Variants in CD2AP observed in about 807,000 individuals in gnomAD.
The protein encoded by CD2AP is CD2 associated protein, also known as CD2-associated protein.
In CD2AP, 46 loss-of-function variants were observed where a neutral mutation model predicts 85.1. The observed-to-expected ratio is 0.54, with a 90% CI of 0.43 to 0.69. The LOEUF is 0.69. CD2AP is among the 30% of genes least tolerant of loss of function. The pLI, the probability that CD2AP is intolerant of heterozygous loss-of-function variation, is 0.00. For missense variants in CD2AP, 769 were observed against 729.5 expected (o/e 1.05, Z -0.62); for synonymous variants, 255 against 252.9 (o/e 1.01, Z -0.08).
intron 17 of CD2AP, among the ~76,000 whole-genome samples, chr6:47,619,089 C>T (rs1010778088): frequency 6.6e-6 from 1 of 151,952 alleles, no homozygotes; most frequent in African/African-American, 2.4e-5. Flanking sequence ...AATTTTTTTC[C>T]ATACATTATT....
chr6:47,556,946 G>T (rs1767710428), intron 5 of CD2AP, among the ~76,000 whole-genome samples: 1 of 152,140 alleles, frequency 6.6e-6, no homozygotes, highest in African/African-American at 2.4e-5. Context: ...CGTGAACAGT[G>T]TACAGGTGTT....
At chr6:47,536,226 AT>A (rs60736098) in intron 3 of CD2AP, among the ~76,000 whole-genome samples, 12,014 of 144,710 alleles carry the variant, frequency 0.083, 550 homozygotes, top group Middle Eastern at 0.16. Flanking sequence ...ATTAAACTTG[AT>A]TTTTTTTTTT....
In CD2AP at chr6:47,554,776, T is replaced by A. The variant is rs763501713; in HGVS notation, c.541+10T>A. 4.4e-6 allele frequency: 7 copies of A among 1,588,554 alleles called. No homozygotes were observed. In the African/African-American group the frequency reaches 8.1e-5, roughly 18 times the overall value. On this transcript the variant is annotated intron_variant, in intron 5 of 17. Transcript: ENST00000359314. ...GCCCAGGACGATTCAGGTAGACTAT[T>A]TTTTAAAATTTTTAATTGATTTAAA...
Position 47,599,414 on chromosome 6 carries a change from C to T in CD2AP, c.1388C>T (p.Ser463Leu). ...PLRPKSVDFD[S>L]LTVRTSKETD... Reference sequence around the variant, plus strand: ...AGACCAAAATCAGTAGACTTTGATTCACTTACAGTAAGGACCTCCAAAGAA... The same window carrying T: ...AGACCAAAATCAGTAGACTTTGATTTACTTACAGTAAGGACCTCCAAAGAA... Residue 463 changes from serine (S) to leucine (L), a missense_variant, in exon 13 of 18, where the codon TCA (serine) becomes TTA (leucine). By Grantham distance (145) the Ser-to-Leu change is moderately radical. Coordinates refer to ENST00000359314, the MANE Select transcript of CD2AP (RefSeq NM_012120.3). 1 of 1,612,142 alleles carries T rather than the reference C, an allele frequency of 6.2e-7. No homozygotes were observed. The highest frequency in any genetic ancestry group is 8.5e-7 in the Non-Finnish European group (1 of 1,178,992).
intron 2 of CD2AP, among the ~76,000 whole-genome samples, chr6:47,525,991 T>C (rs1766712177): frequency 6.6e-6 from 1 of 152,166 alleles, no homozygotes; most frequent in African/African-American, 2.4e-5. Flanking sequence ...GAAGTTATTT[T>C]CCAAGTCAGG....
intron 8 of CD2AP, among the ~76,000 whole-genome samples, 193 bp from the exon 9 acceptor site, chr6:47,579,192 A>C (rs536922417): frequency 6.6e-6 from 1 of 152,136 alleles, no homozygotes; most frequent in East Asian, 1.9e-4. Context: ...TTGAGCCCAG[A>C]AGTTTATGAT....
At chr6:47,535,047 T>C (rs1045075533) in intron 3 of CD2AP, among the ~76,000 whole-genome samples, 16 of 152,264 alleles carry the variant, frequency 1.1e-4, no homozygotes, top group African/African-American at 3.1e-4. Flanking sequence ...TTTGCCCCCA[T>C]TGGCTTCCCA....
chr6:47,525,361 T>C lies in CD2AP; in HGVS notation c.166-8241T>C, dbSNP rs115105656. On this transcript the variant is annotated intron_variant, in intron 2 of 17. Transcript: ENST00000359314. ...AAAATAATTAAGTATATTCCTTAGA[T>C]TTTAATTAGCTTAAGCAGAATTATT... 6.8e-3 allele frequency among the ~76,000 whole-genome samples: 1,035 copies of C among 152,286 alleles called. 6 individuals are homozygous for C. Among genetic ancestry groups the C allele is most frequent in the Non-Finnish European group, 0.012 (793 of 67,992 alleles).
Position 47,606,156 on chromosome 6 carries a change from AT to A in CD2AP, c.1418-5del. ...CTCTTAGTAAATAATGTTTATTTTT[AT>A]TTTCTAGATGTTGTAAATTTTGATG... On this transcript the variant is annotated splice_region_variant and splice_polypyrimidine_tract_variant and intron_variant, in intron 13 of 17. Coordinates refer to ENST00000359314, the MANE Select transcript of CD2AP (RefSeq NM_012120.3). 3 of 1,386,464 alleles carry A rather than the reference AT, an allele frequency of 2.2e-6. No homozygotes were observed. Among genetic ancestry groups the A allele is most frequent in the Non-Finnish European group, 3.1e-6 (3 of 973,432 alleles). The allele number at this position is 1,386,464 out of a possible 1,614,324, so 85.9% of individuals were successfully genotyped here.
intron 11 of CD2AP, among the ~76,000 whole-genome samples, chr6:47,587,063 A>G (rs1163399713): frequency 2.0e-5 from 3 of 152,212 alleles, no homozygotes; most frequent in Admixed American, 2.0e-4. Flanking sequence ...GGCCAGTTGA[A>G]TATTAAATAT....
intron 2 of CD2AP, among the ~76,000 whole-genome samples, chr6:47,530,503 A>G (rs6936064): frequency 0.87 from 133,123 of 152,212 alleles, 58,524 homozygotes; most frequent in Non-Finnish European, 0.92. Context: ...AGAAATTGAT[A>G]GATTTTTTTG....
intron 4 of CD2AP, among the ~76,000 whole-genome samples, chr6:47,553,513 A>AT (rs148273065): frequency 0.022 from 2,395 of 110,396 alleles, 47 homozygotes; most frequent in East Asian, 0.052. Flanking sequence ...CACCTAGTGA[A>AT]TTTTTTTTTT....
At chr6:47,616,652 G>T (rs185970246) in intron 17 of CD2AP, among the ~76,000 whole-genome samples, 7 of 152,206 alleles carry the variant, frequency 4.6e-5, no homozygotes, top group Admixed American at 3.3e-4. Flanking sequence ...CCCCATTTAG[G>T]TCTAGCTGCC....
intron 17 of CD2AP, among the ~76,000 whole-genome samples, chr6:47,614,214 A>G (rs1436340016): frequency 6.6e-6 from 1 of 152,192 alleles, no homozygotes; most frequent in East Asian, 1.9e-4. Context: ...CTTTGCAATC[A>G]AAACTTGGCT....
intron 17 of CD2AP, among the ~76,000 whole-genome samples, chr6:47,616,318 T>A (rs1416951747): frequency 1.3e-5 from 2 of 150,916 alleles, no homozygotes; most frequent in Admixed American, 1.3e-4. Context: ...GGTCTCAAAC[T>A]CCTGACCTCA....
chr6:47,558,064 AG>A (rs1283556845), intron 5 of CD2AP, among the ~76,000 whole-genome samples: 1 of 152,012 alleles, frequency 6.6e-6, no homozygotes, highest in Non-Finnish European at 1.5e-5. Flanking sequence ...TTGGATTCCT[AG>A]GTATTTTATT....
Position 47,595,907 on chromosome 6 carries a change from A to G in CD2AP, c.1155A>G (p.Pro385=), listed in dbSNP as rs113205508. 2.5e-6 allele frequency: 4 copies of G among 1,612,988 alleles called. No homozygotes were observed. In the African/African-American group the frequency reaches 4.0e-5, roughly 16 times the overall value. ...AGAAACCTTCTAAACCAGCAGCTCC[A>G]CAAGTCCCACCCAAGAAACCTACTC... ...LEQKPSKPAA[P]QVPPKKPTPP... Residue 385 remains proline (P), a synonymous_variant, in exon 12 of 18, where the codon CCA becomes CCG. Coordinates refer to ENST00000359314, the MANE Select transcript of CD2AP (RefSeq NM_012120.3).
At position 47,598,541 on chromosome 6, in the gene CD2AP, A is replaced by G. The variant is rs1166010479; in HGVS notation, c.1275-760A>G. 2.0e-5 allele frequency among the ~76,000 whole-genome samples: 3 copies of G among 150,922 alleles called. 1 individual carries two copies. The highest frequency in any genetic ancestry group is 4.5e-5 in the Non-Finnish European group (3 of 67,272). On this transcript the variant is annotated intron_variant, in intron 12 of 17. Coordinates refer to ENST00000359314, the MANE Select transcript of CD2AP (RefSeq NM_012120.3). ...AACGAGTGAATAAAGAAATTGTGGT[A>G]TATATATATACCATGGAATACTACT... is the stretch of plus-strand genomic sequence containing the variant.
In CD2AP at chr6:47,608,015, G is replaced by C. The variant is rs751236543; in HGVS notation, c.1619G>C (p.Cys540Ser). The C allele has an allele frequency of 6.2e-7, 1 of 1,610,610 alleles. No individual in the cohort carries two copies. Among genetic ancestry groups the C allele is most frequent in the South Asian group, 1.1e-5 (1 of 91,010 alleles). Reference protein sequence around the residue: ...LKPSELKKDTCYSPKPSVYLS... With the variant: ...LKPSELKKDTSYSPKPSVYLS... ...CCATCTGAATTAAAAAAAGATACAT[G>C]CTACTCTCCAAAGGTGAGGTGCATT... The change falls in exon 15 of 18, where the codon TGC becomes TCC. Residue 540 changes from cysteine (C) to serine (S), a missense_variant. Coordinates refer to ENST00000359314, the MANE Select transcript of CD2AP (RefSeq NM_012120.3).
Sources: allele counts gnomAD v4.1 joint callset (sites outside exome capture counted in the v4.1 genomes callset), GRCh38; gene constraint gnomAD v4.1.1; transcripts MANE v1.5; gene names NCBI Gene and HGNC (gene_info 2026-07-23, HGNC 2026-07-21).